Variants in MAST3 observed in about 807,000 individuals in gnomAD.
The protein encoded by MAST3 is microtubule-associated serine/threonine-protein kinase 3.
In MAST3, 43 loss-of-function variants were observed where a neutral mutation model predicts 127.0. The observed-to-expected ratio is 0.34, with a 90% confidence interval of 0.27 to 0.44. MAST3 has a LOEUF of 0.44. Ranked by LOEUF, MAST3 falls within the 20% of genes least tolerant of loss-of-function variation. The pLI is 1.00. For missense variants in MAST3, 1,390 were observed against 1,919.1 expected (o/e 0.72, Z 5.15); for synonymous variants, 785 against 809.2 (o/e 0.97, Z 0.51).
intron 13 of MAST3, 63 bp from the exon 14 acceptor site, chr19:18,130,431 G>A: frequency 6.9e-7 from 1 of 1,446,148 alleles, no homozygotes; most frequent in Non-Finnish European, 9.5e-7. Context: ...GGCTCAAGTT[G>A]AGCTGTAGTG....
At position 18,151,150 on chromosome 19, in the gene MAST3, A is replaced by G. The variant is rs930773152; in HGVS notation, c.*1424A>G. ...AGGCTCAAGTTTGAATTTCAGCTTC[A>G]CTGTGTGGCTCTGGGAAAATGGCTT... On this transcript the variant is annotated 3_prime_UTR_variant, in exon 28 of 28. Coordinates refer to ENST00000687212, the MANE Select transcript of MAST3 (RefSeq NM_001393504.1). 3.3e-5 allele frequency: 5 copies of G among 152,236 alleles called. No individual in the cohort carries two copies. Among genetic ancestry groups the G allele is most frequent in the Non-Finnish European group, 5.9e-5 (4 of 68,042 alleles). The allele number at this position is 152,236 out of a possible 1,614,324, so 9.4% of individuals were successfully genotyped here.
chr19:18,122,600 A>G (rs1461753844), intron 5 of MAST3, 73 bp from the exon 6 acceptor site: 11 of 1,267,696 alleles, frequency 8.7e-6, no homozygotes, highest in Non-Finnish European at 1.2e-5. Flanking sequence ...TGCTGGCCAC[A>G]GTGTCTGTTC....
At chr19:18,134,213 A>T (rs1470261141) in intron 15 of MAST3, among the ~76,000 whole-genome samples, 1 of 146,596 alleles carries the variant, frequency 6.8e-6, no homozygotes, top group Non-Finnish European at 1.5e-5. Flanking sequence ...TACTAAAAGT[A>T]CACTAAAAAA....
intron 21 of MAST3, 151 bp from the exon 22 acceptor site, chr19:18,143,612 A>G (rs1246506222): frequency 1.1e-6 from 1 of 928,928 alleles, no homozygotes; most frequent in Non-Finnish European, 1.6e-6. Flanking sequence ...CCAGGTGGAC[A>G]GAGAGGACAG....
chr19:18,134,755 C>T (rs766575109), intron 16 of MAST3, 44 bp downstream of exon 16: 6 of 1,613,372 alleles, frequency 3.7e-6, no homozygotes, highest in Non-Finnish European at 5.1e-6. Flanking sequence ...GCCTCCTCCT[C>T]TCTCCTGGGA....
intron 3 of MAST3, among the ~76,000 whole-genome samples, chr19:18,111,194 T>C (rs146787205): frequency 6.6e-6 from 1 of 152,162 alleles, no homozygotes; most frequent in African/African-American, 2.4e-5. Context: ...CCAGGGTGAC[T>C]GAGCGCTCCC....
intron 3 of MAST3, among the ~76,000 whole-genome samples, chr19:18,120,076 G>A (rs11669624): frequency 0.53 from 80,705 of 151,978 alleles, 21,757 homozygotes; most frequent in South Asian, 0.71. Flanking sequence ...GGGCCCAGGT[G>A]GGAGAAGAAG....
Position 18,137,334 on chromosome 19 carries a change from G to A in MAST3, c.2068G>A (p.Ala690Thr). 6.2e-7 allele frequency: 1 copy of A among 1,613,894 alleles called. No individual in the cohort carries two copies. The highest frequency in any genetic ancestry group is 1.3e-5 in the African/African-American group (1 of 75,054). ...AGCCGAGTTCGTGCCCCAGCTCGAAGCTGAGGATGATACCAGCTACTTTGA... is the reference window on the plus strand; with the variant it reads ...AGCCGAGTTCGTGCCCCAGCTCGAAACTGAGGATGATACCAGCTACTTTGA... ...HKAEFVPQLEAEDDTSYFDTR... is the reference protein window; with the variant it reads ...HKAEFVPQLETEDDTSYFDTR... Residue 690 changes from alanine (A) to threonine (T), a missense_variant, in exon 19 of 28, where the codon GCT becomes ACT. This residue lies in a region of MAST3 where 191 missense variants were observed against 409.0 expected (regional missense o/e 0.47). Transcript: ENST00000687212.
At chr19:18,102,524 C>T (rs2037727029) in intron 1 of MAST3, among the ~76,000 whole-genome samples, 1 of 150,170 alleles carries the variant, frequency 6.7e-6, no homozygotes, top group Non-Finnish European at 1.5e-5. Context: ...TTCTGTCACC[C>T]AGGCTGGAGT....
At chr19:18,114,192 C>T (rs963531211) in intron 3 of MAST3, among the ~76,000 whole-genome samples, 1 of 141,140 alleles carries the variant, frequency 7.1e-6, no homozygotes, top group East Asian at 2.1e-4. Flanking sequence ...TTTTCTTTTT[C>T]TTTTTTTTTT....
intron 11 of MAST3, among the ~76,000 whole-genome samples, chr19:18,126,073 G>A (rs1034612845): frequency 6.6e-6 from 1 of 151,528 alleles, no homozygotes; most frequent in Non-Finnish European, 1.5e-5. Flanking sequence ...AAAAAAAGAT[G>A]TAGCTGGGTG....
intron 5 of MAST3, chr19:18,122,275 T>C (rs985383633): frequency 2.7e-6 from 1 of 368,986 alleles, no homozygotes; most frequent in Admixed American, 6.5e-5. Context: ...TTCATTTATT[T>C]ATTCATACAA....
At chr19:18,123,883 C>T (rs2147218195) in intron 8 of MAST3, 56 bp from the exon 9 acceptor site, 4 of 1,468,636 alleles carry the variant, frequency 2.7e-6, no homozygotes, top group East Asian at 2.5e-5. Context: ...CCCCATTCTG[C>T]GTGTGTCACT....
chr19:18,122,007 C>G (rs1464631564), intron 5 of MAST3, 85 bp downstream of exon 5: 53 of 1,554,026 alleles, frequency 3.4e-5, no homozygotes, highest in Non-Finnish European at 4.5e-5. Flanking sequence ...CTAGACCTGG[C>G]TCCTCATTCA....
intron 3 of MAST3, among the ~76,000 whole-genome samples, chr19:18,111,014 G>A (rs984906702): frequency 2.0e-5 from 3 of 152,116 alleles, no homozygotes; most frequent in East Asian, 1.9e-4. Context: ...GACAGGTGCC[G>A]GATTCCCAAG....
intron 18 of MAST3, 72 bp from the exon 19 acceptor site, chr19:18,137,167 C>T: frequency 1.3e-6 from 2 of 1,567,274 alleles, no homozygotes; most frequent in South Asian, 2.4e-5. Flanking sequence ...CCAGCATGGG[C>T]AGTGGGGGTA....
chr19:18,128,724 A>G, intron 12 of MAST3, 142 bp from the exon 13 acceptor site: 1 of 707,950 alleles, frequency 1.4e-6, no homozygotes, highest in Non-Finnish European at 2.4e-6. Flanking sequence ...AAAAGTACAG[A>G]AAGTCAGAAG....
At chr19:18,126,336 G>A (rs2040615217) in intron 11 of MAST3, among the ~76,000 whole-genome samples, 3 of 152,198 alleles carry the variant, frequency 2.0e-5, no homozygotes, top group Non-Finnish European at 2.9e-5. Flanking sequence ...GCTCTGGGAG[G>A]AGGCAGTGTT....
chr19:18,149,759 T>TA lies in MAST3; in HGVS notation c.*34dup, dbSNP rs753865806. On this transcript the variant is annotated 3_prime_UTR_variant, in exon 28 of 28. Coordinates refer to ENST00000687212, the MANE Select transcript of MAST3 (RefSeq NM_001393504.1). The surrounding 1 kb of genome is among the most constrained non-coding windows in gnomAD (Gnocchi z 5.9). ...CCAGGTCTCTCCCTGGCATCAAAGT[T>TA]ACGCGTTTTCTTGTGCAATGTTTTT... 6.2e-7 allele frequency: 1 copy of TA among 1,606,720 alleles called. No homozygotes were observed. The highest frequency in any genetic ancestry group is 1.1e-5 in the South Asian group (1 of 90,614).
Sources: gnomAD v4.1 joint callset for allele counts (sites outside exome capture counted in the v4.1 genomes callset) on GRCh38, gnomAD v4.1.1 for gene constraint, gnomAD v4.1.1 regional missense constraint, Gnocchi (gnomAD v3.1) non-coding constraint, MANE v1.5 for transcripts, NCBI Gene and HGNC (gene_info 2026-07-23, HGNC 2026-07-21) for gene names.